C19orf85: variants seen among roughly 807,000 people sequenced by gnomAD.
C19orf85 encodes the protein chromosome 19 open reading frame 85, also known as uncharacterized protein C19orf85.
chr19:55,464,749 T>C lies in C19orf85; in HGVS notation c.-195A>G, dbSNP rs1599889052. ...CACCTCCCAGGAGCCCGACCTGAAGTCTGAGGGAGCGGCAGGTGGGGGCTA... is the reference window on the plus strand; with the variant it reads ...CACCTCCCAGGAGCCCGACCTGAAGCCTGAGGGAGCGGCAGGTGGGGGCTA... On this transcript the variant is annotated 5_prime_UTR_variant, in exon 1 of 2. Transcript: ENST00000635964. 2.5e-6 allele frequency: 1 copy of C among 395,626 alleles called. No homozygotes were observed. 24.5% of individuals were successfully genotyped at this position (395,626 alleles called of 1,614,324 possible).
chr19:55,464,691 C>T lies in C19orf85; in HGVS notation c.-137G>A. On this transcript the variant is annotated 5_prime_UTR_variant, in exon 1 of 2. Transcript: ENST00000635964. Reference sequence around the variant, plus strand: ...GAGGAGGCAGGGCTGGGAATTGGGCCAAGGCCTCCCCACTGTGCCCTAACC... The same window carrying T: ...GAGGAGGCAGGGCTGGGAATTGGGCTAAGGCCTCCCCACTGTGCCCTAACC... 1 of 396,814 alleles carries T rather than the reference C, an allele frequency of 2.5e-6. No individual in the cohort carries two copies. Among genetic ancestry groups the T allele is most frequent in the Non-Finnish European group, 4.4e-6 (1 of 225,422 alleles). 24.6% of individuals were successfully genotyped at this position (396,814 alleles called of 1,614,324 possible). A position where few individuals can be genotyped will look rare whatever the true frequency, so the allele number is the denominator to read the frequency against.
rs867785593 is a variant in C19orf85 at position 55,463,829 on chromosome 19, C to T, written c.312G>A (p.Val104=). 3 of 398,948 alleles carry T rather than the reference C, an allele frequency of 7.5e-6. No individual in the cohort carries two copies. Among genetic ancestry groups the T allele is most frequent in the Middle Eastern group, 6.2e-4 (1 of 1,618 alleles). The allele number at this position is 398,948 out of a possible 1,614,324, so 24.7% of individuals were successfully genotyped here. ...PSPFLGVACA[V]APTEAPHASA... is the part of the protein sequence containing the mutation. ...TGGCATGGGGAGCCTCAGTGGGGGC[C>T]ACAGCACAGGCCACTCCCAGGAAGG... is the stretch of plus-strand genomic sequence containing the variant. Residue 104 remains valine, a synonymous_variant, in exon 2 of 2, where the codon GTG becomes GTA. Coordinates refer to ENST00000635964, the MANE Select transcript of C19orf85 (RefSeq NM_001386794.1). This position sits in a 1 kb window ranked among gnomAD's most constrained non-coding sequence, Gnocchi z 4.9.
chr19:55,464,505 CG>C lies in C19orf85; in HGVS notation c.49del (p.Arg17GlyfsTer7). The C allele has an allele frequency of 2.5e-6, 1 of 398,368 alleles. No homozygotes were observed. The highest frequency in any genetic ancestry group is 4.4e-6 in the Non-Finnish European group (1 of 225,868). The allele number at this position is 398,368 out of a possible 1,614,324, so 24.7% of individuals were successfully genotyped here. A position where few individuals can be genotyped will look rare whatever the true frequency, so the allele number is the denominator to read the frequency against. ...EGPGVSEPGP[R>X]ELCAFVSGAA... is the part of the protein sequence containing the mutation. ...CCCGCTCACAAAGGCACACAGCTCC[CG>C]GGGGCCGGGCTCGGAGACCCCAGGG... is the stretch of plus-strand genomic sequence containing the variant. On this transcript the variant is annotated frameshift_variant, in exon 1 of 2. Coordinates refer to ENST00000635964, the MANE Select transcript of C19orf85 (RefSeq NM_001386794.1). LOFTEE classifies it high-confidence loss of function.
In C19orf85 at chr19:55,463,801, C is replaced by T. The variant is rs866972596; in HGVS notation, c.340G>A (p.Ala114Thr). ...TCCAGGGCAGCGAGACTCAGGCTGG[C>T]GCTGGCATGGGGAGCCTCAGTGGGG... ...VAPTEAPHAS[A>T]SLSLAALDTS... Residue 114 changes from alanine to threonine, a missense_variant, in exon 2 of 2, where the codon GCC becomes ACC. Coordinates refer to ENST00000635964, the MANE Select transcript of C19orf85 (RefSeq NM_001386794.1). The surrounding 1 kb of genome is among the most constrained non-coding windows in gnomAD (Gnocchi z 4.9). The T allele has an allele frequency of 7.5e-6, 3 of 398,702 alleles. No individual in the cohort carries two copies. Among genetic ancestry groups the T allele is most frequent in the African/African-American group, 6.2e-5 (3 of 48,580 alleles). 24.7% of individuals were successfully genotyped at this position (398,702 alleles called of 1,614,324 possible). A position where few individuals can be genotyped will look rare whatever the true frequency, so the allele number is the denominator to read the frequency against.
In C19orf85 at chr19:55,464,401, G is replaced by A. The variant is rs1423718448; in HGVS notation, c.154C>T (p.Leu52=). The change falls in exon 1 of 2, where the codon CTG becomes TTG. Residue 52 remains leucine (L), a synonymous_variant. Coordinates refer to ENST00000635964, the MANE Select transcript of C19orf85 (RefSeq NM_001386794.1). ...PKRRPNHRRF[L]HNQICRQFTK... ...CCTCACCTGCAGATCTGGTTGTGCA[G>A]AAACCTTCTGTGGTTGGGCCGCCTC... The A allele has an allele frequency of 1.5e-5, 6 of 398,322 alleles. No homozygotes were observed. Among genetic ancestry groups the A allele is most frequent in the Non-Finnish European group, 2.7e-5 (6 of 225,946 alleles). 24.7% of individuals were successfully genotyped at this position (398,322 alleles called of 1,614,324 possible).
intron 1 of C19orf85, 116 bp downstream of exon 1, chr19:55,464,266 T>G: frequency 2.5e-6 from 1 of 397,792 alleles, no homozygotes; most frequent in Non-Finnish European, 4.4e-6. Flanking sequence ...GTTGCTGGCA[T>G]CCAGCCCTGG....
At chr19:55,464,318 G>T in intron 1 of C19orf85, 64 bp downstream of exon 1, 1 of 398,442 alleles carries the variant, frequency 2.5e-6, no homozygotes, top group South Asian at 1.3e-4. Flanking sequence ...CCCCAGCCAA[G>T]GGTGCTGGTT....
Position 55,463,060 on chromosome 19 carries a change from C to G in C19orf85, c.*412G>C, listed in dbSNP as rs1046220551. ...CCAAAACACACACATGCACACAGAA[C>G]AGGGAGCTCCCTGAGGCAGGGGTCC... On this transcript the variant is annotated 3_prime_UTR_variant, in exon 2 of 2. Coordinates refer to ENST00000635964, the MANE Select transcript of C19orf85 (RefSeq NM_001386794.1). This position sits in a 1 kb window ranked among gnomAD's most constrained non-coding sequence, Gnocchi z 4.9. 5.3e-6 allele frequency: 1 copy of G among 187,834 alleles called. No homozygotes were observed. Among genetic ancestry groups the G allele is most frequent in the Non-Finnish European group, 1.1e-5 (1 of 92,446 alleles). 11.6% of individuals were successfully genotyped at this position (187,834 alleles called of 1,614,324 possible). A position where few individuals can be genotyped will look rare whatever the true frequency, so the allele number is the denominator to read the frequency against.
At chr19:55,464,151 G>A (rs1049001664) in intron 1 of C19orf85, among the ~76,000 whole-genome samples, 184 bp from the exon 2 acceptor site, 4 of 152,156 alleles carry the variant, frequency 2.6e-5, no homozygotes, top group African/African-American at 4.8e-5. Flanking sequence ...ATTCCTGACC[G>A]TCCGCCACCC....
rs1414590214 is a variant in C19orf85, at chr19:55,463,094, T to C, written c.*378A>G. ...CCCTGAGGCAGGGGTCCCGTCTGCC[T>C]CGTTCACAGCTGAATCCTCAAGTCC... is the stretch of plus-strand genomic sequence containing the variant. On this transcript the variant is annotated 3_prime_UTR_variant, in exon 2 of 2. Coordinates refer to ENST00000635964, the MANE Select transcript of C19orf85 (RefSeq NM_001386794.1). This position sits in a 1 kb window ranked among gnomAD's most constrained non-coding sequence, Gnocchi z 4.9. 4.8e-6 allele frequency: 1 copy of C among 209,738 alleles called. No homozygotes were observed. The highest frequency in any genetic ancestry group is 9.4e-6 in the Non-Finnish European group (1 of 106,548). The allele number at this position is 209,738 out of a possible 1,614,324, so 13.0% of individuals were successfully genotyped here. A position where few individuals can be genotyped will look rare whatever the true frequency, so the allele number is the denominator to read the frequency against.
In C19orf85 at chr19:55,463,935, C is replaced by T. The variant is rs562147011; in HGVS notation, c.206G>A (p.Arg69His). The change falls in exon 2 of 2, where the codon CGC (arginine) becomes CAC (histidine). Residue 69 changes from arginine to histidine, a missense_variant. Arg to His is a conservative substitution (Grantham distance 29). Transcript: ENST00000635964. The surrounding 1 kb of genome is among the most constrained non-coding windows in gnomAD (Gnocchi z 4.9). Reference protein sequence around the residue: ...QFTKIEAATQRLALSILSQEA... With the variant: ...QFTKIEAATQHLALSILSQEA... ...CTGGGACAGGATGGAGAGGGCCAGG[C>T]GCTGGGTGGCAGCCTCAATCTTGGT... 3.8e-4 allele frequency: 151 copies of T among 398,698 alleles called. 2 individuals carry two copies. The highest frequency in any genetic ancestry group is 2.6e-3 in the African/African-American group (126 of 48,714). 24.7% of individuals were successfully genotyped at this position (398,698 alleles called of 1,614,324 possible). A position where few individuals can be genotyped will look rare whatever the true frequency, so the allele number is the denominator to read the frequency against.
chr19:55,464,219 T>A (rs1020114064), intron 1 of C19orf85, among the ~76,000 whole-genome samples, 163 bp downstream of exon 1: 5 of 152,232 alleles, frequency 3.3e-5, no homozygotes, highest in Admixed American at 2.0e-4. Context: ...CTAACTGGCC[T>A]GGCACACAGT....
intron 1 of C19orf85, 111 bp downstream of exon 1, chr19:55,464,271 C>G (rs778977984): frequency 2.1e-4 from 83 of 397,694 alleles, no homozygotes; most frequent in Non-Finnish European, 3.5e-4. Context: ...TGGCATCCAG[C>G]CCTGGGGGCT....
At position 55,464,526 on chromosome 19, in the gene C19orf85, C is replaced by G; in HGVS notation, c.29G>C (p.Gly10Ala). MHPGVPEGPGVSEPGPRELC... is the reference protein window; with the variant it reads MHPGVPEGPAVSEPGPRELC... ...CTCCCGGGGGCCGGGCTCGGAGACC[C>G]CAGGGCCTTCGGGGACCCCGGGGTG... Residue 10 changes from glycine (G) to alanine (A), a missense_variant, in exon 1 of 2, where the codon GGG (glycine) becomes GCG (alanine). Transcript: ENST00000635964. 1 of 398,410 alleles carries G rather than the reference C, an allele frequency of 2.5e-6. No homozygotes were observed. The allele number at this position is 398,410 out of a possible 1,614,324, so 24.7% of individuals were successfully genotyped here.
chr19:55,464,617 G>T lies in C19orf85; in HGVS notation c.-63C>A. 1 of 398,354 alleles carries T rather than the reference G, an allele frequency of 2.5e-6. No homozygotes were observed. Among genetic ancestry groups the T allele is most frequent in the South Asian group, 1.3e-4 (1 of 7,726 alleles). 24.7% of individuals were successfully genotyped at this position (398,354 alleles called of 1,614,324 possible). ...TGACCAAAGCACCCCCCAAATCTGT[G>T]AGCAGGGAGGGGCAGGGGACTCTGG... is the stretch of plus-strand genomic sequence containing the variant. On this transcript the variant is annotated 5_prime_UTR_variant, in exon 1 of 2. Coordinates refer to ENST00000635964, the MANE Select transcript of C19orf85 (RefSeq NM_001386794.1).
rs1359983936 is a variant in C19orf85 at position 55,464,442 on chromosome 19, C to T, written c.113G>A (p.Arg38His). 7 of 398,234 alleles carry T rather than the reference C, an allele frequency of 1.8e-5. No individual in the cohort carries two copies. The highest frequency in any genetic ancestry group is 1.3e-4 in the South Asian group (1 of 7,862). The allele number at this position is 398,234 out of a possible 1,614,324, so 24.7% of individuals were successfully genotyped here. The change falls in exon 1 of 2, where the codon CGC becomes CAC. Residue 38 changes from arginine to histidine, a missense_variant. By Grantham distance (29) the Arg-to-His change is conservative (BLOSUM62 0). Coordinates refer to ENST00000635964, the MANE Select transcript of C19orf85 (RefSeq NM_001386794.1). ...AHMLRALQPR[R>H]TRPPKRRPNH... ...GGGCCGCCTCTTGGGGGGCCGGGTG[C>T]GCCGGGGCTGCAGGGCCCGCAGCAT...
Position 55,464,693 on chromosome 19 carries a change from A to G in C19orf85, c.-139T>C. The stretch of plus-strand genomic sequence containing the variant: ...GGAGGCAGGGCTGGGAATTGGGCCA[A>G]GGCCTCCCCACTGTGCCCTAACCCT... On this transcript the variant is annotated 5_prime_UTR_variant, in exon 1 of 2. Transcript: ENST00000635964. 2 of 396,670 alleles carry G rather than the reference A, an allele frequency of 5.0e-6. No homozygotes were observed. The highest frequency in any genetic ancestry group is 4.4e-5 in the Admixed American group (1 of 22,682). 24.6% of individuals were successfully genotyped at this position (396,670 alleles called of 1,614,324 possible). A position where few individuals can be genotyped will look rare whatever the true frequency, so the allele number is the denominator to read the frequency against.
Position 55,463,615 on chromosome 19 carries a change from C to T in C19orf85, c.526G>A (p.Gly176Ser), listed in dbSNP as rs929074769. Reference protein sequence around the residue: ...LDLRQVPHFCGPLPLPQHALG... With the variant: ...LDLRQVPHFCSPLPLPQHALG... The stretch of plus-strand genomic sequence containing the variant: ...GCATGCTGGGGAAGGGGCAGGGGGC[C>T]GCAGAAATGTGGGACCTGCCTCAGG... Residue 176 changes from glycine to serine, a missense_variant, in exon 2 of 2, where the codon GGC (glycine) becomes AGC (serine). Transcript: ENST00000635964. The surrounding 1 kb of genome is among the most constrained non-coding windows in gnomAD (Gnocchi z 4.9). The T allele has an allele frequency of 2.5e-5, 10 of 398,522 alleles. No individual in the cohort carries two copies. Among genetic ancestry groups the T allele is most frequent in the African/African-American group, 1.0e-4 (5 of 48,614 alleles). 24.7% of individuals were successfully genotyped at this position (398,522 alleles called of 1,614,324 possible).
At chr19:55,464,082 A>G (rs928751267) in intron 1 of C19orf85, 115 bp from the exon 2 acceptor site, 3 of 398,058 alleles carry the variant, frequency 7.5e-6, no homozygotes, top group East Asian at 3.6e-5. Flanking sequence ...CCCGGCCAGC[A>G]TATTTGCAAG....
Sources: allele counts gnomAD v4.1 joint callset (sites outside exome capture counted in the v4.1 genomes callset), GRCh38; gene constraint gnomAD v4.1.1; non-coding constraint Gnocchi (gnomAD v3.1); transcripts MANE v1.5; gene names NCBI Gene and HGNC (gene_info 2026-07-23, HGNC 2026-07-21).